The following KLHDC1 variants were observed in gnomAD, a reference collection of about 807,000 sequenced individuals.
The protein encoded by KLHDC1 is kelch domain-containing protein 1.
KLHDC1 carries 53 observed loss-of-function variants against 68.3 expected under a neutral mutation model. The observed-to-expected ratio is 0.78, with a 90% CI of 0.62 to 0.98. The LOEUF is 0.98. Among genes scored for constraint, KLHDC1 ranks in the 50% least tolerant of loss-of-function variants. The pLI is 0.00. For synonymous variants in KLHDC1, 148 were observed against 159.0 expected (o/e 0.93, Z 0.52); for missense variants, 470 against 492.3 (o/e 0.95, Z 0.43).
intron 3 of KLHDC1, 38 bp downstream of exon 3, chr14:49,709,864 A>G: frequency 1.0e-6 from 1 of 963,510 alleles, no homozygotes; most frequent in Middle Eastern, 2.2e-4. Context: ...AGCAAAATGT[A>G]ATATTTAATG....
At chr14:49,695,047 A>G (rs1887694250) in intron 1 of KLHDC1, among the ~76,000 whole-genome samples, 1 of 151,722 alleles carries the variant, frequency 6.6e-6, no homozygotes, top group African/African-American at 2.4e-5. Context: ...TTAAGACAAG[A>G]CAATGAAGTT....
chr14:49,706,140 C>G (rs1347332857), intron 1 of KLHDC1, among the ~76,000 whole-genome samples: 1 of 152,208 alleles, frequency 6.6e-6, no homozygotes, highest in East Asian at 1.9e-4. Flanking sequence ...CCACCTCCCA[C>G]TAACCTTACC....
At chr14:49,749,439 A>G (rs1260049082) in intron 12 of KLHDC1, among the ~76,000 whole-genome samples, 1 of 152,084 alleles carries the variant, frequency 6.6e-6, no homozygotes, top group East Asian at 1.9e-4. Flanking sequence ...AGGTCAAGGC[A>G]GGTGGATCAC....
At chr14:49,743,351 GATTGCACC>G in intron 11 of KLHDC1, among the ~76,000 whole-genome samples, 1 of 146,376 alleles carries the variant, frequency 6.8e-6, no homozygotes. Flanking sequence ...AGTGAGTGGA[GATTGCACC>G]ACTGCACTCC....
chr14:49,703,725 A>G (rs1415418703), intron 1 of KLHDC1, among the ~76,000 whole-genome samples: 1 of 152,142 alleles, frequency 6.6e-6, no homozygotes, highest in African/African-American at 2.4e-5. Context: ...GTTGTTTGGC[A>G]TCTATTCTGA....
chr14:49,702,119 G>C (rs942822823), intron 1 of KLHDC1, among the ~76,000 whole-genome samples: 4 of 137,890 alleles, frequency 2.9e-5, no homozygotes, highest in South Asian at 2.3e-4. Flanking sequence ...AGTGAGCCGA[G>C]ATCACACCAT....
chr14:49,713,845 TATATA>T (rs1229970612), intron 4 of KLHDC1, among the ~76,000 whole-genome samples: 1 of 28,226 alleles, frequency 3.5e-5, no homozygotes, highest in African/African-American at 1.4e-4. Context: ...TATATATATA[TATATA>T]TTTTTTTTTT....
At chr14:49,735,271 T>A (rs542591490) in intron 10 of KLHDC1, among the ~76,000 whole-genome samples, 1 of 151,952 alleles carries the variant, frequency 6.6e-6, no homozygotes, top group Non-Finnish European at 1.5e-5. Flanking sequence ...TCTAATTTTA[T>A]TGAATAGTGT....
At chr14:49,717,497 A>G (rs1185972492) in intron 4 of KLHDC1, among the ~76,000 whole-genome samples, 8 of 152,168 alleles carry the variant, frequency 5.3e-5, no homozygotes, top group African/African-American at 1.9e-4. Context: ...GGACATTTGT[A>G]CATCTTCTTT....
intron 1 of KLHDC1, 69 bp downstream of exon 1, chr14:49,693,359 C>A: frequency 1.8e-6 from 2 of 1,114,790 alleles, no homozygotes; most frequent in Non-Finnish European, 2.4e-6. Context: ...ACGCAGCGCC[C>A]GCCACACCCG....
chr14:49,735,967 A>G (rs976278536), intron 10 of KLHDC1, among the ~76,000 whole-genome samples: 1 of 152,088 alleles, frequency 6.6e-6, no homozygotes, highest in African/African-American at 2.4e-5. Flanking sequence ...GTGAGCTGAG[A>G]TTGTGCCACT....
intron 1 of KLHDC1, among the ~76,000 whole-genome samples, chr14:49,697,302 G>T (rs995765725): frequency 1.3e-5 from 2 of 152,174 alleles, no homozygotes; most frequent in African/African-American, 4.8e-5. Context: ...AGAGAGGGGG[G>T]AATGGTTGGT....
chr14:49,693,360 G>C (rs774074397), intron 1 of KLHDC1, 70 bp downstream of exon 1: 2 of 1,118,286 alleles, frequency 1.8e-6, no homozygotes, highest in South Asian at 2.2e-5. Context: ...CGCAGCGCCC[G>C]CCACACCCGC....
chr14:49,748,070 G>A (rs1889240463), intron 12 of KLHDC1, among the ~76,000 whole-genome samples: 1 of 152,192 alleles, frequency 6.6e-6, no homozygotes, highest in South Asian at 2.1e-4. Context: ...AAAAGGATAA[G>A]AGGTTTCTGG....
At chr14:49,714,604 T>C (rs1888320289) in intron 4 of KLHDC1, among the ~76,000 whole-genome samples, 1 of 151,348 alleles carries the variant, frequency 6.6e-6, no homozygotes. Flanking sequence ...TGAGACCTCA[T>C]CTCTACAAAA....
chr14:49,732,676 C>T (rs1337963929), intron 8 of KLHDC1, 28 bp from the exon 9 acceptor site: 2 of 1,155,630 alleles, frequency 1.7e-6, no homozygotes, highest in Non-Finnish European at 2.6e-6. Flanking sequence ...AATATAGTAC[C>T]TAGACTTTCT....
At chr14:49,695,549 C>T (rs570102921) in intron 1 of KLHDC1, among the ~76,000 whole-genome samples, 12 of 152,108 alleles carry the variant, frequency 7.9e-5, no homozygotes, top group Non-Finnish European at 1.2e-4. Flanking sequence ...TTTCTTGTTC[C>T]GTTGTTAGAG....
At chr14:49,720,884 AT>A (rs919434160) in intron 4 of KLHDC1, among the ~76,000 whole-genome samples, 1 of 151,702 alleles carries the variant, frequency 6.6e-6, no homozygotes, top group Non-Finnish European at 1.5e-5. Flanking sequence ...CAGGAAGGAA[AT>A]TTTTTTTTAA....
chr14:49,709,830 A>C lies in KLHDC1; in HGVS notation c.285+4A>C, dbSNP rs1450613096. On this transcript the variant is annotated splice_donor_region_variant and intron_variant, in intron 3 of 12. Transcript: ENST00000359332. ...TGACAAAGGATACAGCAATCGAGTAATAATTTCTTTAATTCAAGAGTGCAG... is the reference window on the plus strand; with the variant it reads ...TGACAAAGGATACAGCAATCGAGTACTAATTTCTTTAATTCAAGAGTGCAG... 6.8e-7 allele frequency: 1 copy of C among 1,472,240 alleles called. No individual in the cohort carries two copies. Among genetic ancestry groups the C allele is most frequent in the South Asian group, 1.2e-5 (1 of 80,728 alleles). The allele number at this position is 1,472,240 out of a possible 1,614,324, so 91.2% of individuals were successfully genotyped here.
Sources: allele counts gnomAD v4.1 joint callset (sites outside exome capture counted in the v4.1 genomes callset), GRCh38; gene constraint gnomAD v4.1.1; transcripts MANE v1.5; gene names NCBI Gene and HGNC (gene_info 2026-07-23, HGNC 2026-07-21).